ZFAND3: variants seen among roughly 807,000 people sequenced by gnomAD.
ZFAND3 encodes the protein AN1-type zinc finger protein 3.
Under a neutral mutation model 29.6 loss-of-function variants are expected in ZFAND3, and 10 were observed. The observed-to-expected ratio is 0.34, with a 90% CI of 0.21 to 0.57. The LOEUF (loss-of-function observed/expected upper bound fraction) is 0.57. Among genes scored for constraint, ZFAND3 ranks in the 20% least tolerant of loss-of-function variants. ZFAND3 has a pLI of 0.86. For synonymous variants in ZFAND3, 128 were observed against 112.6 expected, an observed-to-expected ratio of 1.14 and a Z score of -0.87; for missense variants, 230 against 304.5, an observed-to-expected ratio of 0.76 and a Z score of 1.82.
At chr6:38,120,499 G>T (rs1291067256) in intron 5 of ZFAND3, among the ~76,000 whole-genome samples, 1 of 151,534 alleles carries the variant, frequency 6.6e-6, no homozygotes, top group Non-Finnish European at 1.5e-5. Context: ...CTAATTTTTT[G>T]TATTTTAGTA....
intron 2 of ZFAND3, among the ~76,000 whole-genome samples, chr6:38,054,917 C>A (rs1057427118): frequency 5.9e-5 from 9 of 152,064 alleles, no homozygotes; most frequent in South Asian, 4.2e-4. Flanking sequence ...CTACTAATGG[C>A]TTTGTAGCTT....
At chr6:37,981,172 TGATA>T (rs1259774616) in intron 2 of ZFAND3, among the ~76,000 whole-genome samples, 2 of 152,194 alleles carry the variant, frequency 1.3e-5, no homozygotes, top group Non-Finnish European at 2.9e-5. Flanking sequence ...ATGCTTGTGG[TGATA>T]GATGTATAGG....
chr6:37,963,130 G>A (rs997761548), intron 2 of ZFAND3, among the ~76,000 whole-genome samples: 2 of 152,126 alleles, frequency 1.3e-5, no homozygotes, highest in Non-Finnish European at 2.9e-5. Context: ...GCGAGGGTCC[G>A]CAGCTTCATT....
At chr6:38,099,605 T>A (rs73419996) in intron 4 of ZFAND3, among the ~76,000 whole-genome samples, 13,012 of 152,204 alleles carry the variant, frequency 0.085, 738 homozygotes, top group East Asian at 0.28. Context: ...CATCCACCCT[T>A]TCAAAACTTA....
intron 2 of ZFAND3, among the ~76,000 whole-genome samples, chr6:37,971,831 GAAA>G (rs5875604): frequency 0.082 from 9,622 of 117,884 alleles, 391 homozygotes; most frequent in Non-Finnish European, 0.1. Context: ...TGTACAAAAT[GAAA>G]AAAAAAAAAA....
At chr6:37,846,080 A>G (rs1363279188) in intron 1 of ZFAND3, among the ~76,000 whole-genome samples, 5 of 152,230 alleles carry the variant, frequency 3.3e-5, no homozygotes, top group Non-Finnish European at 7.3e-5. Context: ...CTGATCCCAT[A>G]GGACACTCAT....
intron 5 of ZFAND3, among the ~76,000 whole-genome samples, chr6:38,125,974 A>C (rs984855510): frequency 6.6e-6 from 1 of 152,134 alleles, no homozygotes; most frequent in Non-Finnish European, 1.5e-5. Flanking sequence ...ATCTTTATTC[A>C]GAAGTTGAAT....
chr6:37,938,809 C>G lies in ZFAND3; in HGVS notation c.112+8810C>G, dbSNP rs148798953. Among the ~76,000 whole-genome samples the G allele has an allele frequency of 1.5e-3, 225 of 152,284 alleles. 1 individual carries two copies. Among genetic ancestry groups the G allele is most frequent in the African/African-American group, 5.1e-3 (211 of 41,548 alleles). On this transcript the variant is annotated intron_variant, in intron 2 of 5. Coordinates refer to ENST00000287218, the MANE Select transcript of ZFAND3 (RefSeq NM_021943.3). ...GAAATTATGTCAAAAATAATTGTTG[C>G]ATTTCTAACGGGAAACAGTGCTCAG...
chr6:38,045,100 T>TTATTTATG (rs1763874629), intron 2 of ZFAND3, among the ~76,000 whole-genome samples: 1 of 150,446 alleles, frequency 6.6e-6, no homozygotes, highest in Non-Finnish European at 1.5e-5. Flanking sequence ...ATTTATTTAT[T>TTATTTATG]TATTGAGATG....
chr6:37,978,409 G>C (rs1037178666), intron 2 of ZFAND3, among the ~76,000 whole-genome samples: 2 of 152,086 alleles, frequency 1.3e-5, no homozygotes, highest in Non-Finnish European at 2.9e-5. Flanking sequence ...TAATGTCTTT[G>C]TCTGGTTTTG....
intron 3 of ZFAND3, among the ~76,000 whole-genome samples, chr6:38,067,165 ACAGT>A (rs1377847555): frequency 2.6e-5 from 4 of 152,290 alleles, no homozygotes; most frequent in Admixed American, 6.5e-5. Context: ...CTCAAGTCTC[ACAGT>A]CAGCCCTGTG....
chr6:37,936,480 C>T (rs1581775859), intron 2 of ZFAND3, among the ~76,000 whole-genome samples: 1 of 152,140 alleles, frequency 6.6e-6, no homozygotes, highest in South Asian at 2.1e-4. Context: ...TTCAGAATAC[C>T]ACTTGGTCGG....
At chr6:37,853,797 G>A (rs1298880996) in intron 1 of ZFAND3, among the ~76,000 whole-genome samples, 1 of 152,138 alleles carries the variant, frequency 6.6e-6, no homozygotes, top group African/African-American at 2.4e-5. Flanking sequence ...GAATAAATAA[G>A]TAGATTGTAT....
intron 1 of ZFAND3, among the ~76,000 whole-genome samples, chr6:37,864,257 T>C (rs1764544287): frequency 6.6e-6 from 1 of 152,206 alleles, no homozygotes; most frequent in Non-Finnish European, 1.5e-5. Flanking sequence ...TGCCAGGTTA[T>C]GAGACTGATG....
rs1217469746 is a variant in ZFAND3 at position 38,054,218 on chromosome 6, C to A, written c.113-7375C>A. Among the ~76,000 whole-genome samples the A allele has an allele frequency of 9.6e-4, 108 of 111,922 alleles. 1 individual carries two copies. The South Asian group carries it at 0.01, about 10-fold the overall frequency. 73.4% of individuals were successfully genotyped at this position (111,922 alleles called of 152,430 possible). ...CAACATAGTGAGACTCCATCTCTAT[C>A]AAAAAAAAAAAAAAAAAAAATTTAA... On this transcript the variant is annotated intron_variant, in intron 2 of 5. Transcript: ENST00000287218.
At chr6:38,138,761 A>C (rs1765891790) in intron 5 of ZFAND3, among the ~76,000 whole-genome samples, 1 of 152,222 alleles carries the variant, frequency 6.6e-6, no homozygotes, top group African/African-American at 2.4e-5. Context: ...ATATATTGCC[A>C]CTCACACTGA....
intron 5 of ZFAND3, among the ~76,000 whole-genome samples, chr6:38,138,128 A>T (rs1364295612): frequency 6.6e-6 from 1 of 152,140 alleles, no homozygotes; most frequent in African/African-American, 2.4e-5. Flanking sequence ...CCTGGGCAAC[A>T]TAGTGAGACC....
chr6:37,986,068 G>T (rs1440441640), intron 2 of ZFAND3, among the ~76,000 whole-genome samples: 1 of 152,202 alleles, frequency 6.6e-6, no homozygotes, highest in Admixed American at 6.5e-5. Context: ...CTGCAGATAC[G>T]TTTGATTTGG....
intron 2 of ZFAND3, among the ~76,000 whole-genome samples, chr6:38,007,549 T>A (rs1371416394): frequency 6.6e-6 from 1 of 151,208 alleles, no homozygotes; most frequent in Non-Finnish European, 1.5e-5. Context: ...TGTTTCAATT[T>A]AAAAAAAAAG....
Sources: allele counts gnomAD v4.1 joint callset (sites outside exome capture counted in the v4.1 genomes callset), GRCh38; gene constraint gnomAD v4.1.1; transcripts MANE v1.5; gene names NCBI Gene and HGNC (gene_info 2026-07-23, HGNC 2026-07-21).